VTI1A: variants seen among roughly 807,000 people sequenced by gnomAD.
The protein encoded by VTI1A is vesicle transport through interaction with t-SNAREs homolog 1A.
In VTI1A, 22 loss-of-function variants were observed where a neutral mutation model predicts 34.9. That is an observed-to-expected ratio of 0.63 (90% CI 0.45 to 0.90). The LOEUF is 0.90. Ranked by LOEUF, VTI1A falls within the 40% of genes least tolerant of loss-of-function variation. The probability of loss-of-function intolerance (pLI) is 0.00; values close to 1 mark genes in which losing one functional copy is unlikely to be tolerated. For missense variants in VTI1A, 268 were observed against 275.6 expected (o/e 0.97, Z 0.20); for synonymous variants, 87 against 97.3 (o/e 0.89, Z 0.62).
intron 3 of VTI1A, among the ~76,000 whole-genome samples, chr10:112,470,871 G>A (rs957740469): frequency 2.0e-5 from 3 of 152,122 alleles, no homozygotes; most frequent in Non-Finnish European, 2.9e-5. Context: ...GGGCAACAGA[G>A]CGAGAGACTC....
At chr10:112,650,650 C>G (rs1179622676) in intron 5 of VTI1A, among the ~76,000 whole-genome samples, 2 of 152,176 alleles carry the variant, frequency 1.3e-5, no homozygotes, top group Non-Finnish European at 2.9e-5. Context: ...TCACCACAAA[C>G]ACACGAGTAA....
intron 5 of VTI1A, among the ~76,000 whole-genome samples, chr10:112,553,168 A>G (rs953952612): frequency 6.6e-6 from 1 of 152,214 alleles, no homozygotes; most frequent in Non-Finnish European, 1.5e-5. Flanking sequence ...ATGCACAGAA[A>G]TTATTTTTTC....
intron 5 of VTI1A, among the ~76,000 whole-genome samples, chr10:112,628,203 A>G (rs939134356): frequency 6.6e-6 from 1 of 152,222 alleles, no homozygotes; most frequent in East Asian, 1.9e-4. Flanking sequence ...TGTCTGTATC[A>G]TAATGTAATC....
At chr10:112,526,945 A>G (rs1435182098) in intron 3 of VTI1A, 142 bp from the exon 4 acceptor site, 1 of 628,160 alleles carries the variant, frequency 1.6e-6, no homozygotes, top group Non-Finnish European at 2.7e-6. Context: ...AACTTTACAC[A>G]ACTTTGGTGT....
chr10:112,494,089 A>G (rs1848929948), intron 3 of VTI1A, among the ~76,000 whole-genome samples: 1 of 152,156 alleles, frequency 6.6e-6, no homozygotes, highest in South Asian at 2.1e-4. Flanking sequence ...CTTGAGTCTG[A>G]GCTTTCTGTG....
intron 3 of VTI1A, among the ~76,000 whole-genome samples, chr10:112,492,411 G>T (rs965984137): frequency 6.6e-6 from 1 of 152,114 alleles, no homozygotes; most frequent in African/African-American, 2.4e-5. Context: ...TGCAATTGCC[G>T]CAGTCAGTAG....
At chr10:112,648,993 A>AT (rs961772079) in intron 5 of VTI1A, among the ~76,000 whole-genome samples, 9 of 152,004 alleles carry the variant, frequency 5.9e-5, no homozygotes, top group East Asian at 1.9e-4. Context: ...TATTTGGGGT[A>AT]TTTTTTTTAA....
intron 5 of VTI1A, among the ~76,000 whole-genome samples, chr10:112,567,952 T>TA (rs1341403322): frequency 6.6e-6 from 1 of 152,214 alleles, no homozygotes; most frequent in Non-Finnish European, 1.5e-5. Context: ...GATTTCTCTT[T>TA]ATATGTTTTT....
At chr10:112,749,226 T>A (rs1277743923) in intron 7 of VTI1A, among the ~76,000 whole-genome samples, 1 of 152,224 alleles carries the variant, frequency 6.6e-6, no homozygotes, top group African/African-American at 2.4e-5. Flanking sequence ...TTATGGAGTG[T>A]GGAGCTTTAA....
intron 3 of VTI1A, among the ~76,000 whole-genome samples, chr10:112,497,115 C>T (rs898354001): frequency 6.6e-6 from 1 of 151,932 alleles, no homozygotes; most frequent in Admixed American, 6.5e-5. Context: ...GCTAGGAGTT[C>T]AAGACCAGCT....
intron 5 of VTI1A, among the ~76,000 whole-genome samples, chr10:112,627,101 A>G (rs991972380): frequency 6.6e-6 from 1 of 152,222 alleles, no homozygotes; most frequent in Non-Finnish European, 1.5e-5. Context: ...CTCTATCTCA[A>G]GATGAGCTCT....
chr10:112,693,382 A>G (rs990752203), intron 7 of VTI1A, among the ~76,000 whole-genome samples: 2 of 152,064 alleles, frequency 1.3e-5, no homozygotes, highest in Non-Finnish European at 2.9e-5. Flanking sequence ...CCCCATCTCT[A>G]CTAAAAATAC....
chr10:112,452,664 T>G (rs575839864), intron 1 of VTI1A, among the ~76,000 whole-genome samples: 25 of 151,022 alleles, frequency 1.7e-4, no homozygotes, highest in African/African-American at 6.1e-4. Context: ...CATCTATAGA[T>G]CTATATATCT....
chr10:112,820,088 G>A (rs1853625768), downstream of VTI1A, among the ~76,000 whole-genome samples: 1 of 152,222 alleles, frequency 6.6e-6, no homozygotes, highest in Admixed American at 6.5e-5. Flanking sequence ...CACGAGCCAG[G>A]TGGGACCTGG....
chr10:112,689,943 A>AG (rs1848557723), intron 7 of VTI1A, among the ~76,000 whole-genome samples: 1 of 152,096 alleles, frequency 6.6e-6, no homozygotes, highest in South Asian at 2.1e-4. Flanking sequence ...ACCCTGCCAC[A>AG]GAGAGCCACT....
At chr10:112,768,730 C>T (rs1405184986) in intron 7 of VTI1A, among the ~76,000 whole-genome samples, 1 of 152,124 alleles carries the variant, frequency 6.6e-6, no homozygotes, top group Non-Finnish European at 1.5e-5. Context: ...ATTACTAGGG[C>T]AATTGACAAC....
chr10:112,518,585 C>CTATATATA (rs1197557812), intron 3 of VTI1A, among the ~76,000 whole-genome samples: 1 of 88,846 alleles, frequency 1.1e-5, no homozygotes, highest in East Asian at 3.9e-4. Flanking sequence ...CTCTCTCTCT[C>CTATATATA]TCTCTATATA....
At chr10:112,481,520 A>C (rs1396301242) in intron 3 of VTI1A, among the ~76,000 whole-genome samples, 2 of 152,232 alleles carry the variant, frequency 1.3e-5, no homozygotes, top group African/African-American at 4.8e-5. Context: ...CCTGGTAAGA[A>C]GGGAAATATG....
chr10:112,838,840 A>G, the VTI1A span, among the ~76,000 whole-genome samples: 1 of 152,208 alleles, frequency 6.6e-6, no homozygotes, highest in African/African-American at 2.4e-5. Flanking sequence ...GCTTCAGACA[A>G]GTTCCTTAAC....
Sources: allele counts gnomAD v4.1 joint callset (sites outside exome capture counted in the v4.1 genomes callset), GRCh38; gene constraint gnomAD v4.1.1; transcripts MANE v1.5; gene names NCBI Gene and HGNC (gene_info 2026-07-23, HGNC 2026-07-21).